UGT2A2: variants seen among roughly 807,000 people sequenced by gnomAD.
The protein encoded by UGT2A2 is UDP-glucuronosyltransferase 2A2.
UGT2A2 carries 60 observed loss-of-function variants against 50.7 expected under a neutral mutation model. The ratio of observed to expected loss-of-function variants is 1.18; its 90% confidence interval spans 0.96 to 1.47. UGT2A2 has a LOEUF of 1.47. Ranked by LOEUF, UGT2A2 falls within the 40% of genes most tolerant of loss-of-function variation. The pLI is 0.00. For missense variants in UGT2A2, 762 were observed against 634.0 expected (o/e 1.20, Z -2.17); for synonymous variants, 242 against 214.6 (o/e 1.13, Z -1.11).
intron 1 of UGT2A2, among the ~76,000 whole-genome samples, chr4:69,632,983 C>T (rs537482914): frequency 6.6e-6 from 1 of 151,578 alleles, no homozygotes; most frequent in Middle Eastern, 3.5e-3. Flanking sequence ...ACAAACCGGA[C>T]GTGGGTGACA....
At chr4:69,608,141 T>G (rs6814603) in intron 1 of UGT2A2, among the ~76,000 whole-genome samples, 38,628 of 151,906 alleles carry the variant, frequency 0.25, 5,373 homozygotes, top group African/African-American at 0.36. Flanking sequence ...TGCAGCGCTA[T>G]TCACAATAGC....
chr4:69,618,213 G>T (rs56879789), intron 1 of UGT2A2, among the ~76,000 whole-genome samples: 2,874 of 98,074 alleles, frequency 0.029, 75 homozygotes, highest in African/African-American at 0.087. Flanking sequence ...GTGTGTGTGT[G>T]TGTATGTTTG....
At chr4:69,590,340 T>C (rs1355341108) in intron 5 of UGT2A2, among the ~76,000 whole-genome samples, 1 of 152,160 alleles carries the variant, frequency 6.6e-6, no homozygotes. Flanking sequence ...GAGATAACAG[T>C]TCTAATGGCT....
At chr4:69,595,931 T>G (rs1010538552) in intron 3 of UGT2A2, among the ~76,000 whole-genome samples, 4 of 152,150 alleles carry the variant, frequency 2.6e-5, no homozygotes, top group African/African-American at 9.7e-5. Flanking sequence ...TTCAAAACTT[T>G]TGAAAGTAGT....
rs887738186 is a variant in UGT2A2 at position 69,615,735 on chromosome 4, G to A, written c.743-16341C>T. 5.3e-5 allele frequency among the ~76,000 whole-genome samples: 8 copies of A among 151,706 alleles called. No individual in the cohort carries two copies. In the South Asian group the frequency reaches 6.2e-4, roughly 12 times the overall value. On this transcript the variant is annotated intron_variant, in intron 1 of 5. Transcript: ENST00000604629. ...GCAAAAACAAACAAGCAAACAAACAGACAGACAAAAAAACAGGCAATAACA... is the reference window on the plus strand; with the variant it reads ...GCAAAAACAAACAAGCAAACAAACAAACAGACAAAAAAACAGGCAATAACA...
intron 1 of UGT2A2, among the ~76,000 whole-genome samples, chr4:69,629,705 C>T (rs886819948): frequency 3.3e-5 from 5 of 151,944 alleles, no homozygotes; most frequent in African/African-American, 1.2e-4. Flanking sequence ...GGAAGAGGAC[C>T]CCTGCAAGCT....
chr4:69,607,243 A>C (rs548448332), intron 1 of UGT2A2, among the ~76,000 whole-genome samples: 46 of 150,496 alleles, frequency 3.1e-4, no homozygotes, highest in Non-Finnish European at 6.1e-4. Flanking sequence ...GGAACAGAAC[A>C]GAGCCCTCAG....
chr4:69,622,814 T>C (rs1289770792), intron 1 of UGT2A2, among the ~76,000 whole-genome samples: 2 of 151,752 alleles, frequency 1.3e-5, no homozygotes, highest in Admixed American at 6.6e-5. Context: ...CTCAAACACA[T>C]TCATCCAGCG....
intron 1 of UGT2A2, among the ~76,000 whole-genome samples, chr4:69,604,714 T>A (rs936838788): frequency 7.4e-6 from 1 of 135,324 alleles, no homozygotes; most frequent in Non-Finnish European, 1.6e-5. Flanking sequence ...CAAAATAAAG[T>A]GATGGAGGAA....
At chr4:69,631,717 GAAC>G (rs1476034915) in intron 1 of UGT2A2, among the ~76,000 whole-genome samples, 2 of 152,120 alleles carry the variant, frequency 1.3e-5, no homozygotes, top group East Asian at 1.9e-4. Flanking sequence ...CTGAAAAAGA[GAAC>G]AACTGTAGCC....
chr4:69,626,045 C>T (rs1020197432), intron 1 of UGT2A2, among the ~76,000 whole-genome samples: 10 of 151,460 alleles, frequency 6.6e-5, no homozygotes, highest in Non-Finnish European at 1.3e-4. Context: ...TGACTGTGAA[C>T]TTGTCTGTTT....
In UGT2A2 at chr4:69,624,554, T is replaced by G. The variant is rs368076044; in HGVS notation, c.742+14345A>C. ...TTTTGTTCTTTTTTTCTTTCCTATC[T>G]TCATGTTTATTAGTTGAACACATTT... On this transcript the variant is annotated intron_variant, in intron 1 of 5. Transcript: ENST00000604629. 4.6e-5 allele frequency among the ~76,000 whole-genome samples: 7 copies of G among 151,524 alleles called. 1 individual carries two copies. The highest frequency in any genetic ancestry group is 1.4e-4 in the African/African-American group (6 of 41,482).
intron 1 of UGT2A2, among the ~76,000 whole-genome samples, chr4:69,600,596 T>C (rs1252216459): frequency 1.3e-5 from 2 of 152,166 alleles, no homozygotes; most frequent in Non-Finnish European, 1.5e-5. Flanking sequence ...CTTATTCCCA[T>C]AAAGAAATAC....
intron 5 of UGT2A2, among the ~76,000 whole-genome samples, chr4:69,592,476 GA>G (rs1234734810): frequency 6.6e-6 from 1 of 152,114 alleles, no homozygotes; most frequent in East Asian, 1.9e-4. Flanking sequence ...GGAGGGTAAT[GA>G]ATATGATATC....
intron 1 of UGT2A2, among the ~76,000 whole-genome samples, chr4:69,613,929 T>C (rs889726539): frequency 1.3e-5 from 2 of 152,020 alleles, no homozygotes; most frequent in African/African-American, 4.8e-5. Flanking sequence ...GAGTAGGATA[T>C]GTGCTTTCAC....
chr4:69,626,506 C>G (rs1046337301), intron 1 of UGT2A2, among the ~76,000 whole-genome samples: 7 of 151,496 alleles, frequency 4.6e-5, no homozygotes, highest in African/African-American at 1.5e-4. Context: ...AAAAACAAAA[C>G]AGACTTGAGG....
At chr4:69,611,808 T>C (rs1461020629) in intron 1 of UGT2A2, among the ~76,000 whole-genome samples, 1 of 152,148 alleles carries the variant, frequency 6.6e-6, no homozygotes, top group Non-Finnish European at 1.5e-5. Flanking sequence ...ATTCTGAAGA[T>C]ACACAGTATG....
At chr4:69,592,095 A>G (rs141365500) in intron 5 of UGT2A2, among the ~76,000 whole-genome samples, 52 of 152,300 alleles carry the variant, frequency 3.4e-4, no homozygotes, top group African/African-American at 1.3e-3. Flanking sequence ...TGAATACATT[A>G]GCCCTCGTGT....
Position 69,599,317 on chromosome 4 carries a change from G to T in UGT2A2, c.820C>A (p.Pro274Thr), listed in dbSNP as rs1417033916. The change falls in exon 2 of 6, where the codon CCT becomes ACT. Residue 274 changes from proline (P) to threonine (T), a missense_variant. Pro to Thr is a conservative substitution (Grantham distance 38). Coordinates refer to ENST00000604629, the MANE Select transcript of UGT2A2 (RefSeq NM_001105677.2). The stretch of plus-strand genomic sequence containing the variant: ...TCAAAATTAGGTAAGTATGGACGAG[G>T]AAATTCAAAATCCCAATATGTTCGG... ...LIRTYWDFEF[P>T]RPYLPNFEFV... 6.2e-7 allele frequency: 1 copy of T among 1,613,842 alleles called. No individual in the cohort carries two copies.
Sources: allele counts gnomAD v4.1 joint callset (sites outside exome capture counted in the v4.1 genomes callset), GRCh38; gene constraint gnomAD v4.1.1; transcripts MANE v1.5; gene names NCBI Gene and HGNC (gene_info 2026-07-23, HGNC 2026-07-21).